PREX1: variants seen among roughly 807,000 people sequenced by gnomAD.
The protein encoded by PREX1 is phosphatidylinositol-3,4,5-trisphosphate dependent Rac exchange factor 1, also known as phosphatidylinositol 3,4,5-trisphosphate-dependent Rac exchanger 1 protein.
In PREX1, 41 loss-of-function variants were observed where a neutral mutation model predicts 198.3. The ratio of observed to expected loss-of-function variants is 0.21; its 90% CI spans 0.16 to 0.27. The LOEUF (loss-of-function observed/expected upper bound fraction) is 0.27, where lower values mean the gene tolerates loss of function less well. PREX1 is among the 10% of genes least tolerant of loss of function. The probability of loss-of-function intolerance (pLI) is 1.00; values close to 1 mark genes in which losing one functional copy is unlikely to be tolerated. For synonymous variants in PREX1, 843 were observed against 887.2 expected, an observed-to-expected ratio of 0.95 and a Z score of 0.89; for missense variants, 1,620 against 2,200.7, an observed-to-expected ratio of 0.74 and a Z score of 5.28.
intron 36 of PREX1, among the ~76,000 whole-genome samples, chr20:48,630,013 C>T (rs982544263): frequency 6.6e-6 from 1 of 152,172 alleles, no homozygotes; most frequent in African/African-American, 2.4e-5. Context: ...CTGACCCCCA[C>T]GTGGAGGTGC....
chr20:48,700,854 G>T lies in PREX1; in HGVS notation c.816C>A (p.Leu272=). ...TCTTTAACAAAGTCCCTTGCAGGAGGAGCTGAGTGCAGATGTCTGTGAGGT... is the reference window on the plus strand; with the variant it reads ...TCTTTAACAAAGTCCCTTGCAGGAGTAGCTGAGTGCAGATGTCTGTGAGGT... ...GSNLTDICTQ[L]LLQGTLLKIS... is the part of the protein sequence containing the mutation. Residue 272 remains leucine (L), a synonymous_variant, in exon 7 of 40, where the codon CTC becomes CTA. Coordinates refer to ENST00000371941, the MANE Select transcript of PREX1 (RefSeq NM_020820.4). 1 of 1,614,184 alleles carries T rather than the reference G, an allele frequency of 6.2e-7. No homozygotes were observed. Among genetic ancestry groups the T allele is most frequent in the Non-Finnish European group, 8.5e-7 (1 of 1,180,040 alleles).
chr20:48,651,540 C>T lies in PREX1; in HGVS notation c.2511G>A (p.Glu837=), dbSNP rs757317639. The change falls in exon 22 of 40, where the codon GAG becomes GAA. Residue 837 remains glutamate (E), a synonymous_variant. Transcript: ENST00000371941. ...CAGTCAGGGTGACCATGGGGCTGTC[C>T]TCACACAGGCTCAGCCGGGGACCCA... ...LSLGPRLSLC[E]DSPMVTLTVD... is the part of the protein sequence containing the mutation. The T allele has an allele frequency of 1.9e-6, 3 of 1,614,158 alleles. No individual in the cohort carries two copies. Among genetic ancestry groups the T allele is most frequent in the Admixed American group, 3.3e-5 (2 of 60,030 alleles).
rs776445187 is a variant in PREX1 at position 48,659,962 on chromosome 20, T to C, written c.1838A>G (p.Asn613Ser). The change falls in exon 16 of 40, where the codon AAC (asparagine) becomes AGC (serine). Residue 613 changes from asparagine to serine, a missense_variant. Asn to Ser is a conservative substitution (Grantham distance 46). Around this residue, in one of 7 missense-constraint regions of PREX1, gnomAD observed 488 missense variants for 802.5 expected, o/e 0.61. Coordinates refer to ENST00000371941, the MANE Select transcript of PREX1 (RefSeq NM_020820.4). ...AATGTTCTCCACCAGCTTGAAGTCG[T>C]TGCGAAGCTGTTTGTTCTTGCTGCT... ...GTSSKNKQLR[N>S]DFKLVENILA... 3 of 1,614,250 alleles carry C rather than the reference T, an allele frequency of 1.9e-6. No homozygotes were observed. The highest frequency in any genetic ancestry group is 2.7e-5 in the African/African-American group (2 of 75,068).
upstream of PREX1, among the ~76,000 whole-genome samples, chr20:48,830,789 A>G (rs2090535596): frequency 1.3e-5 from 2 of 152,230 alleles, no homozygotes; most frequent in Non-Finnish European, 2.9e-5. Flanking sequence ...ACTAAGAATA[A>G]TATCAGTACC....
intron 3 of PREX1, among the ~76,000 whole-genome samples, chr20:48,741,226 C>T (rs888741926): frequency 6.6e-5 from 10 of 152,188 alleles, no homozygotes; most frequent in Admixed American, 3.3e-4. Flanking sequence ...CTGGCTTAGC[C>T]CTTAGGATGG....
chr20:48,712,607 T>G (rs535746524), intron 5 of PREX1, among the ~76,000 whole-genome samples: 1 of 152,328 alleles, frequency 6.6e-6, no homozygotes, highest in African/African-American at 2.4e-5. Context: ...TCTGTCCGCC[T>G]CTATCTCTAT....
the PREX1 span, among the ~76,000 whole-genome samples, chr20:48,844,582 C>A: frequency 6.6e-6 from 1 of 152,296 alleles, no homozygotes; most frequent in East Asian, 1.9e-4. Context: ...AAACAAGATA[C>A]AGGAAAGGAA....
At chr20:48,874,879 A>T in the PREX1 span, among the ~76,000 whole-genome samples, 1 of 147,670 alleles carries the variant, frequency 6.8e-6, no homozygotes, top group Non-Finnish European at 1.5e-5. Context: ...CTGTGTCTCA[A>T]AAAAAAAAAA....
intron 33 of PREX1, among the ~76,000 whole-genome samples, chr20:48,633,056 A>G (rs4809713): frequency 0.085 from 12,877 of 152,304 alleles, 667 homozygotes; most frequent in East Asian, 0.21. Flanking sequence ...AACAGGGTAT[A>G]CATCTGATTC....
intron 33 of PREX1, among the ~76,000 whole-genome samples, chr20:48,633,142 A>G (rs950400917): frequency 3.3e-5 from 5 of 152,086 alleles, no homozygotes; most frequent in Admixed American, 2.6e-4. Flanking sequence ...CATGGCAGAC[A>G]TCACTCATCG....
At chr20:48,860,491 C>G in the PREX1 span, among the ~76,000 whole-genome samples, 14 of 152,306 alleles carry the variant, frequency 9.2e-5, no homozygotes, top group Admixed American at 3.3e-4. Context: ...CGCGTCTGAA[C>G]TGTACATTTA....
At chr20:48,861,649 AT>A in the PREX1 span, among the ~76,000 whole-genome samples, 1 of 152,116 alleles carries the variant, frequency 6.6e-6, no homozygotes, top group African/African-American at 2.4e-5. Context: ...GTGGGTGAAG[AT>A]TTCTTCTAAA....
chr20:48,734,852 G>C (rs1057152821), intron 3 of PREX1, among the ~76,000 whole-genome samples: 1 of 152,192 alleles, frequency 6.6e-6, no homozygotes, highest in African/African-American at 2.4e-5. Flanking sequence ...TCTGCACTCA[G>C]GGGCCTGAAT....
At chr20:48,737,697 C>T (rs559671538) in intron 3 of PREX1, among the ~76,000 whole-genome samples, 2 of 152,276 alleles carry the variant, frequency 1.3e-5, no homozygotes, top group East Asian at 1.9e-4. Flanking sequence ...CGCAAGAGCC[C>T]GCAAGGACTC....
At chr20:48,640,603 A>G (rs1318640127) in intron 29 of PREX1, among the ~76,000 whole-genome samples, 1 of 152,138 alleles carries the variant, frequency 6.6e-6, no homozygotes, top group African/African-American at 2.4e-5. Flanking sequence ...GCAACTGCCC[A>G]TCTGCATTTC....
At chr20:48,870,651 T>TA in the PREX1 span, among the ~76,000 whole-genome samples, 7 of 152,092 alleles carry the variant, frequency 4.6e-5, no homozygotes, top group Admixed American at 4.6e-4. Flanking sequence ...CAACCAACCG[T>TA]AAAAATCATA....
chr20:48,766,262 C>T (rs891354462), intron 1 of PREX1, among the ~76,000 whole-genome samples: 2 of 152,192 alleles, frequency 1.3e-5, no homozygotes, highest in Non-Finnish European at 2.9e-5. Context: ...AAATGTCTTC[C>T]AGGAAACCCG....
rs537290606 is a variant in PREX1, at chr20:48,696,771, T to C, written c.918-3981A>G. Among the ~76,000 whole-genome samples, 13 of 152,288 alleles carry C rather than the reference T, an allele frequency of 8.5e-5. No individual in the cohort carries two copies. The East Asian group carries it at 2.1e-3, about 25-fold the overall frequency. ...GATGTAGTTGGTATGGGGATAATGA[T>C]AGCTCAAAATCAAGAAGATTCTGGC... On this transcript the variant is annotated intron_variant, in intron 7 of 39. Transcript: ENST00000371941.
At chr20:48,676,085 G>A in intron 14 of PREX1, 108 bp downstream of exon 14, 1 of 1,121,034 alleles carries the variant, frequency 8.9e-7, no homozygotes, top group Non-Finnish European at 1.3e-6. Context: ...GTTCTGTGCA[G>A]TTTGCCACAA....
Sources: gnomAD v4.1 joint callset for allele counts (sites outside exome capture counted in the v4.1 genomes callset) on GRCh38, gnomAD v4.1.1 for gene constraint, gnomAD v4.1.1 regional missense constraint, MANE v1.5 for transcripts, NCBI Gene and HGNC (gene_info 2026-07-23, HGNC 2026-07-21) for gene names.